CLIC5: variants seen among roughly 807,000 people sequenced by gnomAD.
CLIC5 encodes the protein chloride intracellular channel protein 5.
A neutral mutation model predicts 24.7 loss-of-function variants in CLIC5; 20 were observed. The ratio of observed to expected loss-of-function variants is 0.81; its 90% CI spans 0.57 to 1.18. The LOEUF is 1.18. Ranked by LOEUF, CLIC5 falls within the 50% of genes most tolerant of loss-of-function variation. The pLI, the probability that CLIC5 is intolerant of heterozygous loss-of-function variation, is 0.00. For missense variants in CLIC5, 341 were observed against 326.1 expected (o/e 1.05, Z -0.35); for synonymous variants, 159 against 135.6 (o/e 1.17, Z -1.20).
chr6:45,896,620 A>G (rs1762396048), downstream of CLIC5, among the ~76,000 whole-genome samples: 1 of 152,260 alleles, frequency 6.6e-6, no homozygotes, highest in Non-Finnish European at 1.5e-5. Context: ...AAATAAAAGC[A>G]GCATAGGTCA....
chr6:46,050,385 T>C (rs1768070343), intron 1 of CLIC5, among the ~76,000 whole-genome samples: 1 of 152,158 alleles, frequency 6.6e-6, no homozygotes, highest in South Asian at 2.1e-4. Flanking sequence ...TTTTAAGAAA[T>C]GAAAACCAAC....
At chr6:46,036,369 G>GGC (rs1767660358) in intron 1 of CLIC5, among the ~76,000 whole-genome samples, 1 of 140,560 alleles carries the variant, frequency 7.1e-6, no homozygotes, top group South Asian at 2.3e-4. Context: ...GAGTGCAGTT[G>GGC]GCGCGGTCTC....
chr6:45,920,574 G>T, intron 4 of CLIC5: 1 of 530,354 alleles, frequency 1.9e-6, no homozygotes, highest in Non-Finnish European at 2.4e-6. Flanking sequence ...CACACTTGTT[G>T]ACATTTGATA....
the CLIC5 span, among the ~76,000 whole-genome samples, chr6:46,086,517 G>A: frequency 1.3e-5 from 2 of 152,228 alleles, no homozygotes; most frequent in African/African-American, 4.8e-5. Context: ...TGGATGGAGT[G>A]TGTGGATTGT....
chr6:46,070,220 CAGAACAATCAGGTAAG>C (rs1360700531), intron 1 of CLIC5, among the ~76,000 whole-genome samples: 1 of 152,068 alleles, frequency 6.6e-6, no homozygotes, highest in African/African-American at 2.4e-5. Context: ...AAGTTCTTGC[CAGAACAATCAGGTAAG>C]AGAAAGAAAT....
intron 1 of CLIC5, among the ~76,000 whole-genome samples, chr6:46,054,229 G>A (rs1581903837): frequency 6.6e-6 from 1 of 152,092 alleles, no homozygotes; most frequent in Non-Finnish European, 1.5e-5. Flanking sequence ...TATCTAATCT[G>A]CCAGCACTTG....
chr6:45,993,325 T>C (rs556435295), intron 1 of CLIC5, among the ~76,000 whole-genome samples: 22 of 152,340 alleles, frequency 1.4e-4, no homozygotes, highest in Non-Finnish European at 2.6e-4. Context: ...AGGGAACCAT[T>C]AGCATGTTTA....
chr6:46,027,062 T>G (rs1767350864), intron 1 of CLIC5, among the ~76,000 whole-genome samples: 1 of 152,184 alleles, frequency 6.6e-6, no homozygotes. Flanking sequence ...AGACATTGAA[T>G]ATACCTTAGG....
chr6:45,954,870 C>T lies in CLIC5; in HGVS notation c.173+265G>A, dbSNP rs561683224. Among the ~76,000 whole-genome samples the T allele has an allele frequency of 3.3e-5, 5 of 152,322 alleles. No individual in the cohort carries two copies. The East Asian group carries it at 7.7e-4, about 23-fold the overall frequency. On this transcript the variant is annotated intron_variant, in intron 2 of 5. Transcript: ENST00000339561. ...TCTGTGCCCATATGTGCACCAGAAA[C>T]TTAGTTGCAATGCCATTGTCCATTC...
At chr6:46,046,781 G>A (rs1458929347) in intron 1 of CLIC5, among the ~76,000 whole-genome samples, 1 of 152,190 alleles carries the variant, frequency 6.6e-6, no homozygotes, top group Non-Finnish European at 1.5e-5. Flanking sequence ...ACAGGGGCCA[G>A]CGGAGATGAC....
chr6:45,964,798 T>A (rs9472630), intron 1 of CLIC5, among the ~76,000 whole-genome samples: 1 of 152,014 alleles, frequency 6.6e-6, no homozygotes, highest in Non-Finnish European at 1.5e-5. Flanking sequence ...TAAATGTTGT[T>A]ATTGTTTAAA....
chr6:45,998,571 T>A (rs1318335753), intron 1 of CLIC5, among the ~76,000 whole-genome samples: 1 of 152,206 alleles, frequency 6.6e-6, no homozygotes, highest in Non-Finnish European at 1.5e-5. Context: ...TTTCAACACA[T>A]GCAGGATAGG....
intron 1 of CLIC5, among the ~76,000 whole-genome samples, chr6:46,024,154 A>G (rs1308867429): frequency 6.6e-6 from 1 of 152,228 alleles, no homozygotes; most frequent in Non-Finnish European, 1.5e-5. Flanking sequence ...GATCACACAA[A>G]TTAAAGTTCT....
intron 1 of CLIC5, among the ~76,000 whole-genome samples, chr6:46,028,337 A>T (rs1435599060): frequency 6.6e-6 from 1 of 152,130 alleles, no homozygotes; most frequent in Non-Finnish European, 1.5e-5. Context: ...AGCATCACTC[A>T]TCCCTTCTCG....
chr6:46,107,928 G>C, the CLIC5 span, among the ~76,000 whole-genome samples: 4 of 151,814 alleles, frequency 2.6e-5, no homozygotes, highest in East Asian at 7.8e-4. Context: ...CTAGCCACTC[G>C]GAGGCTGAGG....
upstream of CLIC5, among the ~76,000 whole-genome samples, chr6:46,083,190 G>A (rs9395153): frequency 0.14 from 21,008 of 152,242 alleles, 1,882 homozygotes; most frequent in South Asian, 0.33. Context: ...GGAAGAAGAT[G>A]TATCTAGCAT....
intron 4 of CLIC5, 27 bp downstream of exon 4, chr6:45,941,520 G>T: frequency 6.5e-7 from 1 of 1,543,554 alleles, no homozygotes; most frequent in South Asian, 1.1e-5. Context: ...CACTGCCAAG[G>T]GTTCTTGGTG....
chr6:45,887,428 ATT>A (rs1375773938), intron 6 of CLIC5, among the ~76,000 whole-genome samples: 2 of 152,110 alleles, frequency 1.3e-5, no homozygotes, highest in Non-Finnish European at 2.9e-5. Context: ...CTACATCCAA[ATT>A]TTTATCCTCT....
intron 4 of CLIC5, among the ~76,000 whole-genome samples, chr6:45,917,153 C>T (rs547728305): frequency 2.6e-5 from 4 of 152,264 alleles, no homozygotes; most frequent in South Asian, 2.1e-4. Context: ...CCACAAATGT[C>T]GTTGATCCTG....
Sources: gnomAD v4.1 joint callset for allele counts (sites outside exome capture counted in the v4.1 genomes callset) on GRCh38, gnomAD v4.1.1 for gene constraint, MANE v1.5 for transcripts, NCBI Gene and HGNC (gene_info 2026-07-23, HGNC 2026-07-21) for gene names.